The following MSH5 variants were observed in gnomAD, a reference collection of about 807,000 sequenced individuals.
The protein encoded by MSH5 is mutS protein homolog 5.
MSH5 carries 78 observed loss-of-function variants against 107.7 expected under a neutral mutation model. That is an observed-to-expected ratio of 0.72 (90% confidence interval 0.60 to 0.87). The LOEUF is 0.87. MSH5 is among the 40% of genes least tolerant of loss of function. MSH5 has a pLI of 0.00. For missense variants in MSH5, 889 were observed against 1,046.6 expected, an observed-to-expected ratio of 0.85 and a Z score of 2.08; for synonymous variants, 326 against 399.5, an observed-to-expected ratio of 0.82 and a Z score of 2.19.
In MSH5 at chr6:31,742,963, G is replaced by C. The variant is rs770947052; in HGVS notation, c.352+6G>C. ...TCGATTTCTGGGAAAGCTTGGTAAG[G>C]ACTTGGTAAAGGATAGAGGGAAAAT... is the stretch of plus-strand genomic sequence containing the variant. On this transcript the variant is annotated splice_donor_region_variant and intron_variant, in intron 4 of 24. Transcript: ENST00000375750. 2.2e-5 allele frequency: 35 copies of C among 1,612,844 alleles called. No individual in the cohort carries two copies. The highest frequency in any genetic ancestry group is 2.9e-5 in the Non-Finnish European group (34 of 1,179,976).
At chr6:31,757,260 T>C (rs1467095419) in intron 12 of MSH5, among the ~76,000 whole-genome samples, 3 of 152,094 alleles carry the variant, frequency 2.0e-5, no homozygotes, top group East Asian at 3.9e-4. Flanking sequence ...TTCTCCTACC[T>C]CAGCCTCCTG....
At position 31,744,300 on chromosome 6, in the gene MSH5, G is replaced by A. The variant is rs1809206412; in HGVS notation, c.647+1G>A. ...TCCTGGGCTTTAAGAAATTTATGTT[G>A]TAGGTGATTCACCCCAACCCCAACC... On this transcript the variant is annotated splice_donor_variant, in intron 7 of 24. Transcript: ENST00000375750. LOFTEE classifies it high-confidence loss of function. 9 of 1,614,130 alleles carry A rather than the reference G, an allele frequency of 5.6e-6. No individual in the cohort carries two copies. The highest frequency in any genetic ancestry group is 6.8e-6 in the Non-Finnish European group (8 of 1,180,014).
At position 31,761,772 on chromosome 6, in the gene MSH5, A is replaced by G; in HGVS notation, c.2182-46A>G. The G allele has an allele frequency of 1.9e-6, 3 of 1,613,080 alleles. No individual in the cohort carries two copies. Among genetic ancestry groups the G allele is most frequent in the Non-Finnish European group, 2.5e-6 (3 of 1,179,996 alleles). ...CAGGATTGGCCAAGGGTTTCAGGAC[A>G]GGAAGGAGGTGATTGATGATACACT... On this transcript the variant is annotated intron_variant, in intron 22 of 24. Transcript: ENST00000375750. The surrounding 1 kb of genome is among the most constrained non-coding windows in gnomAD (Gnocchi z 5.3).
chr6:31,754,350 A>G (rs377401031), intron 12 of MSH5, among the ~76,000 whole-genome samples: 1 of 151,928 alleles, frequency 6.6e-6, no homozygotes, highest in East Asian at 1.9e-4. Context: ...GGATTTCACC[A>G]TGTTGGCCAG....
Position 31,753,629 on chromosome 6 carries a change from G to GGT in MSH5, c.1014+1_1014+2dup. ...TCAGCGACTGGCAGGTTCTCTACAA[G>GGT]GTAAGGCCTTCCTTCTTGAATCCCA... On this transcript the variant is annotated frameshift_variant and splice_region_variant. Transcript: ENST00000375750. LOFTEE classifies it high-confidence loss of function. 6.2e-7 allele frequency: 1 copy of GGT among 1,614,100 alleles called. No homozygotes were observed.
rs1205605658 is a variant in MSH5, at chr6:31,743,179, T to C, written c.415+9T>C. On this transcript the variant is annotated intron_variant, in intron 5 of 24. Coordinates refer to ENST00000375750, the MANE Select transcript of MSH5 (RefSeq NM_172166.4). The stretch of plus-strand genomic sequence containing the variant: ...GCCAAGTGTGGATTTTGGTATCTCC[T>C]TCCTTTTGCTTTGCCTAACTCCCTG... 6.2e-6 allele frequency: 10 copies of C among 1,612,608 alleles called. No individual in the cohort carries two copies. The highest frequency in any genetic ancestry group is 8.5e-6 in the Non-Finnish European group (10 of 1,179,682).
chr6:31,750,231 TTTTAA>T (rs780095423), intron 10 of MSH5, among the ~76,000 whole-genome samples: 1 of 152,212 alleles, frequency 6.6e-6, no homozygotes, highest in African/African-American at 2.4e-5. Context: ...TACGAATTTA[TTTTAA>T]TTTATTAGGA....
rs757557635 is a variant in MSH5, at chr6:31,741,226, T to A, written c.211T>A (p.Ser71Thr). Reference sequence around the variant, plus strand: ...CATTGCCTACTATGATACTAGTGACTCCACTATCCACTTCATGCCAGATGC... The same window carrying A: ...CATTGCCTACTATGATACTAGTGACACCACTATCCACTTCATGCCAGATGC... ...LGIAYYDTSDSTIHFMPDAPD... is the reference protein window; with the variant it reads ...LGIAYYDTSDTTIHFMPDAPD... Residue 71 changes from serine to threonine, a missense_variant, in exon 3 of 25, where the codon TCC (serine) becomes ACC (threonine). By Grantham distance (58) the Ser-to-Thr change is moderately conservative. Transcript: ENST00000375750. 5 of 1,612,746 alleles carry A rather than the reference T, an allele frequency of 3.1e-6. No individual in the cohort carries two copies. In the Admixed American group the frequency reaches 8.3e-5, roughly 27 times the overall value.
chr6:31,759,258 C>G lies in MSH5; in HGVS notation c.1407+81C>G. The G allele has an allele frequency of 7.2e-7, 1 of 1,392,288 alleles. No individual in the cohort carries two copies. The highest frequency in any genetic ancestry group is 1.8e-4 in the Middle Eastern group (1 of 5,652). 86.2% of individuals were successfully genotyped at this position (1,392,288 alleles called of 1,614,324 possible). On this transcript the variant is annotated intron_variant, in intron 16 of 24. Coordinates refer to ENST00000375750, the MANE Select transcript of MSH5 (RefSeq NM_172166.4). This position sits in a 1 kb window ranked among gnomAD's most constrained non-coding sequence, Gnocchi z 4.7. The stretch of plus-strand genomic sequence containing the variant: ...GGAAGAGCGTTACTCTACAGCAGCA[C>G]TGCCCAATATGGGATCTCTCCTCTG...
chr6:31,740,378 A>G lies in MSH5; in HGVS notation c.-13-76A>G, dbSNP rs950107071. On this transcript the variant is annotated intron_variant, in intron 1 of 24. Coordinates refer to ENST00000375750, the MANE Select transcript of MSH5 (RefSeq NM_172166.4). This position sits in a 1 kb window ranked among gnomAD's most constrained non-coding sequence, Gnocchi z 4.4. ...GTAGCAGAAGTACTTAGTGCTTTGC[A>G]TTCTGCGCGCCACCCTACCCCGGCC... 2 of 1,477,202 alleles carry G rather than the reference A, an allele frequency of 1.4e-6. No individual in the cohort carries two copies. The highest frequency in any genetic ancestry group is 1.3e-5 in the South Asian group (1 of 78,462). The allele number at this position is 1,477,202 out of a possible 1,614,324, so 91.5% of individuals were successfully genotyped here.
intron 10 of MSH5, among the ~76,000 whole-genome samples, chr6:31,748,390 C>A (rs1809656587): frequency 6.7e-6 from 1 of 148,458 alleles, no homozygotes; most frequent in Non-Finnish European, 1.5e-5. Context: ...CTCTTGTTGC[C>A]CAGGCTGGAG....
rs1228491110 is a variant in MSH5 at position 31,760,950 on chromosome 6, A to C, written c.1962+111A>C. The stretch of plus-strand genomic sequence containing the variant: ...CCTCTGCTGCATGCCCTTTATACTA[A>C]AAGTGGGGAGCACTAAGGTCAGAGA... On this transcript the variant is annotated intron_variant, in intron 20 of 24. Coordinates refer to ENST00000375750, the MANE Select transcript of MSH5 (RefSeq NM_172166.4). This position sits in a 1 kb window ranked among gnomAD's most constrained non-coding sequence, Gnocchi z 5.6. The C allele has an allele frequency of 1.3e-5, 17 of 1,294,540 alleles. No homozygotes were observed. The highest frequency in any genetic ancestry group is 1.8e-5 in the Non-Finnish European group (17 of 943,960). The allele number at this position is 1,294,540 out of a possible 1,614,324, so 80.2% of individuals were successfully genotyped here. A position where few individuals can be genotyped will look rare whatever the true frequency, so the allele number is the denominator to read the frequency against.
Sources: allele counts gnomAD v4.1 joint callset (sites outside exome capture counted in the v4.1 genomes callset), GRCh38; gene constraint gnomAD v4.1.1; non-coding constraint Gnocchi (gnomAD v3.1); transcripts MANE v1.5; gene names NCBI Gene and HGNC (gene_info 2026-07-23, HGNC 2026-07-21).